The following GLMN variants were observed in gnomAD, a reference collection of about 807,000 sequenced individuals.
GLMN encodes the protein glomulin.
A neutral mutation model predicts 87.8 loss-of-function variants in GLMN; 75 were observed. The ratio of observed to expected loss-of-function variants is 0.85; its 90% CI spans 0.71 to 1.04. The LOEUF (loss-of-function observed/expected upper bound fraction) is 1.04. Ranked by LOEUF, GLMN falls within the 50% of genes least tolerant of loss-of-function variation. The probability of loss-of-function intolerance (pLI) is 0.00; values close to 1 mark genes in which losing one functional copy is unlikely to be tolerated. For missense variants in GLMN, 588 were observed against 658.8 expected (o/e 0.89, Z 1.18); for synonymous variants, 206 against 221.6 (o/e 0.93, Z 0.63).
chr1:92,315,240 G>A, the GLMN span, among the ~76,000 whole-genome samples: 73 of 152,286 alleles, frequency 4.8e-4, no homozygotes, highest in African/African-American at 1.6e-3. Flanking sequence ...AAGAGGAAGC[G>A]AGATGGGTGA....
At chr1:92,299,056 G>C (rs564687035), upstream of GLMN, 49 of 1,443,426 alleles carry the variant, frequency 3.4e-5, no homozygotes, top group South Asian at 6.2e-4. Flanking sequence ...GTCCCCGTCC[G>C]GCAGACTACT....
intron 7 of GLMN, among the ~76,000 whole-genome samples, chr1:92,274,176 A>G (rs758497487): frequency 6.6e-6 from 1 of 152,082 alleles, no homozygotes; most frequent in African/African-American, 2.4e-5. Context: ...TCTACTTGCA[A>G]TGTTCCTTCT....
Position 92,289,063 on chromosome 1 carries a change from G to A in GLMN, c.483C>T (p.Tyr161=), listed in dbSNP as rs1003621755. ...WNQLSLLPVP[Y]SKEQIQMDDY... ...CATCCATTTGTATTTGTTCTTTTGA[G>A]TATGGAACAGGAAGAAGAGATAGCT... The change falls in exon 6 of 19, where the codon TAC becomes TAT. Residue 161 remains tyrosine (Y), a synonymous_variant. Transcript: ENST00000370360. The A allele has an allele frequency of 2.5e-6, 4 of 1,610,506 alleles. No individual in the cohort carries two copies. The Admixed American group carries it at 5.0e-5, about 20-fold the overall frequency.
chr1:92,264,092 G>A (rs1286966621), intron 14 of GLMN, among the ~76,000 whole-genome samples: 1 of 152,146 alleles, frequency 6.6e-6, no homozygotes, highest in Non-Finnish European at 1.5e-5. Flanking sequence ...AAGGTGGGTG[G>A]ATCACTTGAG....
chr1:92,314,615 C>A, the GLMN span, among the ~76,000 whole-genome samples: 1 of 151,320 alleles, frequency 6.6e-6, no homozygotes, highest in African/African-American at 2.4e-5. Flanking sequence ...TGGTGGCATG[C>A]ACCTGTAATC....
At chr1:92,248,311 A>G (rs572635574) in intron 16 of GLMN, 1 of 240,866 alleles carries the variant, frequency 4.2e-6, no homozygotes, top group South Asian at 5.3e-5. Flanking sequence ...CCATCTCCAC[A>G]ATGACTCTAC....
intron 3 of GLMN, among the ~76,000 whole-genome samples, chr1:92,295,365 A>G (rs905922020): frequency 1.3e-5 from 2 of 151,768 alleles, no homozygotes; most frequent in Non-Finnish European, 2.9e-5. Flanking sequence ...TCTTTAGGTA[A>G]TTAAAGTCTC....
intron 16 of GLMN, among the ~76,000 whole-genome samples, chr1:92,251,399 T>TA (rs1653468287): frequency 6.7e-6 from 1 of 149,826 alleles, no homozygotes; most frequent in Admixed American, 6.6e-5. Context: ...GAGGTCAAAA[T>TA]AAAAGAAAAA....
chr1:92,361,378 A>C, the GLMN span, among the ~76,000 whole-genome samples: 1 of 152,178 alleles, frequency 6.6e-6, no homozygotes, highest in Non-Finnish European at 1.5e-5. Context: ...GTAAGCATTC[A>C]GTGAATATTT....
intron 7 of GLMN, 23 bp from the exon 8 acceptor site, chr1:92,271,675 A>C (rs1656255809): frequency 6.5e-7 from 1 of 1,538,988 alleles, no homozygotes; most frequent in African/African-American, 1.4e-5. Context: ...TAAAAAAGGA[A>C]ACCATAGCAC....
intron 7 of GLMN, among the ~76,000 whole-genome samples, chr1:92,282,691 G>A (rs1648222640): frequency 6.6e-6 from 1 of 152,094 alleles, no homozygotes; most frequent in Non-Finnish European, 1.5e-5. Flanking sequence ...TCCAGGAGCT[G>A]CTTTTTTGAA....
At chr1:92,260,119 C>T (rs1654835331) in intron 16 of GLMN, among the ~76,000 whole-genome samples, 1 of 152,130 alleles carries the variant, frequency 6.6e-6, no homozygotes. Flanking sequence ...ATTTGCCTCT[C>T]AGTTATTGAC....
At chr1:92,334,573 T>C in the GLMN span, among the ~76,000 whole-genome samples, 3 of 151,994 alleles carry the variant, frequency 2.0e-5, no homozygotes, top group Non-Finnish European at 2.9e-5. Flanking sequence ...ATGTGCCAGG[T>C]GTGGTGGCTC....
chr1:92,270,465 A>G (rs904148150), intron 8 of GLMN, among the ~76,000 whole-genome samples: 79 of 152,338 alleles, frequency 5.2e-4, no homozygotes, highest in African/African-American at 1.8e-3. Flanking sequence ...TATAAGGATG[A>G]GATAATGCAT....
At chr1:92,252,918 ATC>A (rs1007776468) in intron 16 of GLMN, among the ~76,000 whole-genome samples, 1 of 152,220 alleles carries the variant, frequency 6.6e-6, no homozygotes, top group African/African-American at 2.4e-5. Context: ...ACTGTAGCAT[ATC>A]TCTCTCACAA....
the GLMN span, among the ~76,000 whole-genome samples, chr1:92,369,554 CT>C: frequency 6.6e-6 from 1 of 152,092 alleles, no homozygotes; most frequent in African/African-American, 2.4e-5. Flanking sequence ...GTCTTCCTAC[CT>C]CAGCCTTCCA....
chr1:92,357,095 A>ACG, the GLMN span, among the ~76,000 whole-genome samples: 1 of 28,314 alleles, frequency 3.5e-5, no homozygotes, highest in South Asian at 2.7e-3. Flanking sequence ...AGGATTACAT[A>ACG]CACACACACA....
chr1:92,332,442 T>C, the GLMN span, among the ~76,000 whole-genome samples: 31 of 152,182 alleles, frequency 2.0e-4, no homozygotes, highest in African/African-American at 7.2e-4. Flanking sequence ...GATTGATCTC[T>C]GTAGGCTGTT....
At chr1:92,367,844 A>G in the GLMN span, among the ~76,000 whole-genome samples, 1 of 152,214 alleles carries the variant, frequency 6.6e-6, no homozygotes, top group Non-Finnish European at 1.5e-5. Context: ...TCATTTTATA[A>G]CTGCCTACTC....
Sources: allele counts gnomAD v4.1 joint callset (sites outside exome capture counted in the v4.1 genomes callset), GRCh38; gene constraint gnomAD v4.1.1; transcripts MANE v1.5; gene names NCBI Gene and HGNC (gene_info 2026-07-23, HGNC 2026-07-21).